Variants in CDK5RAP2 observed in about 807,000 individuals in gnomAD.
The protein encoded by CDK5RAP2 is CDK5 regulatory subunit associated protein 2.
In CDK5RAP2, 147 loss-of-function variants were observed where a neutral mutation model predicts 232.9. The ratio of observed to expected loss-of-function variants is 0.63; its 90% CI spans 0.55 to 0.72. CDK5RAP2 has a LOEUF of 0.72. CDK5RAP2 is among the 30% of genes least tolerant of loss of function. The pLI, the probability that CDK5RAP2 is intolerant of heterozygous loss-of-function variation, is 0.00. For missense variants in CDK5RAP2, 2,195 were observed against 2,231.5 expected (o/e 0.98, Z 0.33); for synonymous variants, 833 against 833.7 (o/e 1.00, Z 0.01).
At chr9:120,479,961 GA>G (rs1363508611) in intron 14 of CDK5RAP2, among the ~76,000 whole-genome samples, 2 of 152,204 alleles carry the variant, frequency 1.3e-5, no homozygotes, top group Non-Finnish European at 2.9e-5. Flanking sequence ...AGCACATTCA[GA>G]GGGGACAAGG....
chr9:120,541,720 C>A (rs141589686), intron 5 of CDK5RAP2, among the ~76,000 whole-genome samples: 79 of 152,332 alleles, frequency 5.2e-4, no homozygotes, highest in African/African-American at 1.9e-3. Flanking sequence ...GGTTTTCTCT[C>A]CACTCAAATG....
chr9:120,501,551 A>C (rs2039576432), intron 12 of CDK5RAP2, among the ~76,000 whole-genome samples: 1 of 152,320 alleles, frequency 6.6e-6, no homozygotes, highest in East Asian at 1.9e-4. Flanking sequence ...ATAGCCATAA[A>C]TTATTTGACT....
chr9:120,460,482 G>A (rs1439324479), intron 19 of CDK5RAP2, 90 bp downstream of exon 19: 6 of 1,224,712 alleles, frequency 4.9e-6, no homozygotes, highest in Non-Finnish European at 7.2e-6. Context: ...AGAATGAACA[G>A]AAAACCCACT....
At chr9:120,518,210 T>TGTGAGACA (rs1554770753) in intron 12 of CDK5RAP2, among the ~76,000 whole-genome samples, 67 of 43,982 alleles carry the variant, frequency 1.5e-3, no homozygotes, top group South Asian at 4.5e-3. Context: ...TGTGTGTGTG[T>TGTGAGACA]GAGAGAGAGA....
intron 5 of CDK5RAP2, 111 bp from the exon 6 acceptor site, chr9:120,539,275 G>C: frequency 7.5e-7 from 1 of 1,326,790 alleles, no homozygotes; most frequent in Non-Finnish European, 1.1e-6. Flanking sequence ...ACAGACCTGT[G>C]CTGAGCTTCT....
chr9:120,520,397 T>A (rs1203688312), intron 11 of CDK5RAP2, among the ~76,000 whole-genome samples: 1 of 152,194 alleles, frequency 6.6e-6, no homozygotes, highest in East Asian at 1.9e-4. Context: ...ATCCCAGCAC[T>A]TTGGGAGGCT....
At chr9:120,444,344 A>C (rs2036067979) in intron 22 of CDK5RAP2, among the ~76,000 whole-genome samples, 1 of 152,256 alleles carries the variant, frequency 6.6e-6, no homozygotes, top group Non-Finnish European at 1.5e-5. Context: ...CTTTGCCATA[A>C]AATCTTTCCT....
intron 12 of CDK5RAP2, among the ~76,000 whole-genome samples, chr9:120,518,210 TGAGAGAGAGA>T (rs146336954): frequency 2.0e-3 from 89 of 44,008 alleles, no homozygotes; most frequent in East Asian, 6.3e-3. Context: ...TGTGTGTGTG[TGAGAGAGAGA>T]GAGAGAGAGA....
chr9:120,563,098 A>G (rs2042519357), intron 3 of CDK5RAP2, among the ~76,000 whole-genome samples: 1 of 152,146 alleles, frequency 6.6e-6, no homozygotes, highest in Non-Finnish European at 1.5e-5. Context: ...AGAAGACAGA[A>G]TCATGAGTTG....
intron 12 of CDK5RAP2, among the ~76,000 whole-genome samples, chr9:120,510,482 A>T (rs560624919): frequency 1.9e-3 from 285 of 152,330 alleles, no homozygotes; most frequent in African/African-American, 6.6e-3. Context: ...ACCCACCCTG[A>T]GTAGAATACC....
At position 120,408,343 on chromosome 9, in the gene CDK5RAP2, G is replaced by A. The variant is rs1397963106; in HGVS notation, c.4726+4C>T. 5 of 1,613,952 alleles carry A rather than the reference G, an allele frequency of 3.1e-6. No homozygotes were observed. Among genetic ancestry groups the A allele is most frequent in the Non-Finnish European group, 4.2e-6 (5 of 1,180,000 alleles). On this transcript the variant is annotated splice_donor_region_variant and intron_variant, in intron 31 of 37. Coordinates refer to ENST00000349780, the MANE Select transcript of CDK5RAP2 (RefSeq NM_018249.6). ...TAGCCTCAAGGTGAGAAGGGCCTCAGTACCTCTCAGTCTCCTGTGCTCTTC... is the reference window on the plus strand; with the variant it reads ...TAGCCTCAAGGTGAGAAGGGCCTCAATACCTCTCAGTCTCCTGTGCTCTTC...
At position 120,403,926 on chromosome 9, in the gene CDK5RAP2, T is replaced by C; in HGVS notation, c.5041+110A>G. ...GCTGAGAACTTGAAATCCCAAATCCTTACCAAATACCCTCCTGAGTTGGGA... is the reference window on the plus strand; with the variant it reads ...GCTGAGAACTTGAAATCCCAAATCCCTACCAAATACCCTCCTGAGTTGGGA... On this transcript the variant is annotated intron_variant, in intron 33 of 37. Transcript: ENST00000349780. This position sits in a 1 kb window ranked among gnomAD's most constrained non-coding sequence, Gnocchi z 4.2. 2 of 773,080 alleles carry C rather than the reference T, an allele frequency of 2.6e-6. No homozygotes were observed. Among genetic ancestry groups the C allele is most frequent in the Admixed American group, 1.9e-5 (1 of 53,126 alleles). The allele number at this position is 773,080 out of a possible 1,614,324, so 47.9% of individuals were successfully genotyped here. A position where few individuals can be genotyped will look rare whatever the true frequency, so the allele number is the denominator to read the frequency against.
At chr9:120,447,029 T>A (rs540299807) in intron 22 of CDK5RAP2, among the ~76,000 whole-genome samples, 112 of 152,334 alleles carry the variant, frequency 7.4e-4, no homozygotes, top group African/African-American at 2.5e-3. Flanking sequence ...AGACTTCATC[T>A]GCTTTGGTCA....
intron 12 of CDK5RAP2, among the ~76,000 whole-genome samples, chr9:120,493,615 T>G (rs1395829619): frequency 6.6e-6 from 1 of 152,186 alleles, no homozygotes; most frequent in East Asian, 1.9e-4. Context: ...ACCATGCATC[T>G]TATCTAAACT....
intron 29 of CDK5RAP2, 65 bp downstream of exon 29, chr9:120,411,293 G>A (rs1406746582): frequency 1.4e-5 from 14 of 977,404 alleles, no homozygotes; most frequent in Non-Finnish European, 2.3e-5. Context: ...TCCAATGCCT[G>A]CATTCTTTCC....
chr9:120,490,272 C>T (rs1225737667), intron 13 of CDK5RAP2, among the ~76,000 whole-genome samples: 1 of 152,202 alleles, frequency 6.6e-6, no homozygotes, highest in Non-Finnish European at 1.5e-5. Context: ...CTGGAGGACC[C>T]CCAATTGTCA....
rs1000455495 is a variant in CDK5RAP2 at position 120,568,197 on chromosome 9, T to C, written c.195+124A>G. ...TCTCACAGAAGATGTCCATGAGACA[T>C]GGCACCCCCCTGCCTCTGGCATCAC... On this transcript the variant is annotated intron_variant, in intron 3 of 37. Coordinates refer to ENST00000349780, the MANE Select transcript of CDK5RAP2 (RefSeq NM_018249.6). 3.0e-5 allele frequency: 24 copies of C among 794,698 alleles called. No individual in the cohort carries two copies. The Middle Eastern group carries it at 7.0e-4, about 23-fold the overall frequency. 49.2% of individuals were successfully genotyped at this position (794,698 alleles called of 1,614,324 possible).
intron 13 of CDK5RAP2, among the ~76,000 whole-genome samples, chr9:120,487,959 G>A (rs1320176871): frequency 1.3e-5 from 2 of 152,188 alleles, no homozygotes; most frequent in Non-Finnish European, 1.5e-5. Context: ...AGCCAAGACT[G>A]CAAATACTGC....
chr9:120,427,180 G>T (rs1417825699), intron 25 of CDK5RAP2, among the ~76,000 whole-genome samples: 2 of 152,162 alleles, frequency 1.3e-5, no homozygotes, highest in East Asian at 3.8e-4. Flanking sequence ...GAGAAATCAG[G>T]GGTGTCCAAT....
Sources: gnomAD v4.1 joint callset for allele counts (sites outside exome capture counted in the v4.1 genomes callset) on GRCh38, gnomAD v4.1.1 for gene constraint, Gnocchi (gnomAD v3.1) non-coding constraint, MANE v1.5 for transcripts, NCBI Gene and HGNC (gene_info 2026-07-23, HGNC 2026-07-21) for gene names.